The following AQP11 variants were observed in gnomAD, a reference collection of about 807,000 sequenced individuals.
AQP11 encodes aquaporin-11.
A neutral mutation model predicts 21.1 loss-of-function variants in AQP11; 20 were observed. That is an observed-to-expected ratio of 0.95 (90% CI 0.67 to 1.38). AQP11 has a LOEUF of 1.38. Among genes scored for constraint, AQP11 ranks in the 40% most tolerant of loss-of-function variants. The pLI is 0.00. For synonymous variants in AQP11, 167 were observed against 150.1 expected, an observed-to-expected ratio of 1.11 and a Z score of -0.82; for missense variants, 339 against 340.4, an observed-to-expected ratio of 1.00 and a Z score of 0.03.
intron 2 of AQP11, among the ~76,000 whole-genome samples, chr11:77,605,916 G>A (rs1204432091): frequency 2.6e-5 from 4 of 151,684 alleles, no homozygotes; most frequent in Non-Finnish European, 5.9e-5. Flanking sequence ...GATGATGGGT[G>A]CCTGTAATCC....
intron 2 of AQP11, among the ~76,000 whole-genome samples, chr11:77,604,970 G>C (rs538913452): frequency 6.6e-6 from 1 of 152,304 alleles, no homozygotes; most frequent in South Asian, 2.1e-4. Context: ...GAGGCAGGCA[G>C]ATCATGAGGT....
In AQP11 at chr11:77,590,417, G is replaced by A; in HGVS notation, c.425G>A (p.Gly142Asp). The A allele has an allele frequency of 6.2e-7, 1 of 1,614,042 alleles. No individual in the cohort carries two copies. Among genetic ancestry groups the A allele is most frequent in the Non-Finnish European group, 8.5e-7 (1 of 1,180,028 alleles). Residue 142 changes from glycine to aspartate, a missense_variant, in exon 1 of 3, where the codon GGT (glycine) becomes GAT (aspartate). Transcript: ENST00000313578. Reference sequence around the variant, plus strand: ...TGCACAAGCGCCTTGTGGAGCTTGGGTCTGACCCAGTATCACGTCAGCGAG... The same window carrying A: ...TGCACAAGCGCCTTGTGGAGCTTGGATCTGACCCAGTATCACGTCAGCGAG... ...RYCTSALWSL[G>D]LTQYHVSERS...
At position 77,590,115 on chromosome 11, in the gene AQP11, G is replaced by T; in HGVS notation, c.123G>T (p.Arg41Ser). ...TAGTCGCCCGGCAGCAGCTGCACAG[G>T]CCGGTGGCCCACGCCTTCGTCCTGG... ...ARVVARQQLHRPVAHAFVLEF... is the reference protein window; with the variant it reads ...ARVVARQQLHSPVAHAFVLEF... The change falls in exon 1 of 3, where the codon AGG (arginine) becomes AGT (serine). Residue 41 changes from arginine to serine, a missense_variant. Coordinates refer to ENST00000313578, the MANE Select transcript of AQP11 (RefSeq NM_173039.3). 1 of 1,607,910 alleles carries T rather than the reference G, an allele frequency of 6.2e-7. No individual in the cohort carries two copies.
chr11:77,604,125 T>G (rs942572440), intron 2 of AQP11, among the ~76,000 whole-genome samples: 9 of 152,210 alleles, frequency 5.9e-5, no homozygotes, highest in African/African-American at 2.2e-4. Context: ...GTTTTGTTTT[T>G]TTTCGAGACA....
At chr11:77,601,025 A>G (rs1009714352) in intron 1 of AQP11, among the ~76,000 whole-genome samples, 3 of 152,148 alleles carry the variant, frequency 2.0e-5, no homozygotes, top group Admixed American at 6.5e-5. Context: ...AAAAAAAAAA[A>G]AAAATCTTGT....
intron 1 of AQP11, among the ~76,000 whole-genome samples, chr11:77,601,274 A>G (rs935184211): frequency 5.3e-5 from 8 of 152,136 alleles, no homozygotes; most frequent in Admixed American, 2.0e-4. Context: ...AGTTTTTGTT[A>G]ACACAGAACC....
chr11:77,604,222 C>A (rs1958831653), intron 2 of AQP11, among the ~76,000 whole-genome samples: 1 of 152,072 alleles, frequency 6.6e-6, no homozygotes, highest in South Asian at 2.1e-4. Context: ...CACAAGCAAT[C>A]CTCCTGCCTT....
intron 1 of AQP11, among the ~76,000 whole-genome samples, chr11:77,594,133 G>A (rs1410786130): frequency 6.6e-6 from 1 of 152,140 alleles, no homozygotes; most frequent in Non-Finnish European, 1.5e-5. Flanking sequence ...TTTGGAAATG[G>A]TGCTGCTGGT....
intron 2 of AQP11, among the ~76,000 whole-genome samples, chr11:77,608,603 ACT>A (rs1958859740): frequency 1.3e-5 from 2 of 152,164 alleles, no homozygotes; most frequent in South Asian, 4.2e-4. Flanking sequence ...AAAGAGCAAA[ACT>A]CTGTCTCAAA....
At chr11:77,601,134 T>C (rs1167666447) in intron 1 of AQP11, among the ~76,000 whole-genome samples, 3 of 152,090 alleles carry the variant, frequency 2.0e-5, no homozygotes, top group Non-Finnish European at 4.4e-5. Flanking sequence ...GTTGTTACGA[T>C]GTGGGGAGAG....
intron 1 of AQP11, 96 bp from the exon 2 acceptor site, chr11:77,603,460 C>A: frequency 1.2e-6 from 1 of 858,200 alleles, no homozygotes; most frequent in Non-Finnish European, 1.8e-6. Context: ...CTAAGAATAC[C>A]TAAAATAAAA....
In AQP11 at chr11:77,593,363, C is replaced by T. The variant is rs186029681; in HGVS notation, c.619+2752C>T. Among the ~76,000 whole-genome samples the T allele has an allele frequency of 8.9e-3, 1,357 of 152,210 alleles. 18 individuals carry two copies. Among genetic ancestry groups the T allele is most frequent in the African/African-American group, 0.028 (1,174 of 41,544 alleles). ...CTTACAACAACCCATCGGCCGGGCGCGGTGGCTCACGCCTGTAATCCCAGC... is the reference window on the plus strand; with the variant it reads ...CTTACAACAACCCATCGGCCGGGCGTGGTGGCTCACGCCTGTAATCCCAGC... On this transcript the variant is annotated intron_variant, in intron 1 of 2. Coordinates refer to ENST00000313578, the MANE Select transcript of AQP11 (RefSeq NM_173039.3).
At chr11:77,605,690 G>A (rs1958841887) in intron 2 of AQP11, among the ~76,000 whole-genome samples, 1 of 152,118 alleles carries the variant, frequency 6.6e-6, no homozygotes, top group Non-Finnish European at 1.5e-5. Context: ...CAGGAAACCG[G>A]TCCCTGGTGC....
intron 1 of AQP11, among the ~76,000 whole-genome samples, chr11:77,594,578 T>C (rs570962629): frequency 6.6e-6 from 1 of 152,240 alleles, no homozygotes; most frequent in South Asian, 2.1e-4. Context: ...CAAGTTATTA[T>C]GATATGTCTT....
At position 77,605,778 on chromosome 11, in the gene AQP11, G is replaced by T. The variant is rs574050068; in HGVS notation, c.736+2106G>T. Among the ~76,000 whole-genome samples, 11 of 152,288 alleles carry T rather than the reference G, an allele frequency of 7.2e-5. No individual in the cohort carries two copies. The East Asian group carries it at 1.9e-3, about 27-fold the overall frequency. ...AGAACATTAAAAAGTAGCCAGGTAG[G>T]CTGGGTGCGGTGGCTCATGCCTGTA... On this transcript the variant is annotated intron_variant, in intron 2 of 2. Transcript: ENST00000313578.
intron 1 of AQP11, among the ~76,000 whole-genome samples, chr11:77,598,583 AG>A (rs1433029908): frequency 6.6e-6 from 1 of 152,208 alleles, no homozygotes; most frequent in South Asian, 2.1e-4. Flanking sequence ...CAAAGACTAA[AG>A]TGCCTTTTGA....
intron 2 of AQP11, among the ~76,000 whole-genome samples, chr11:77,605,228 T>C (rs1164061990): frequency 6.6e-6 from 1 of 152,166 alleles, no homozygotes; most frequent in Non-Finnish European, 1.5e-5. Context: ...GTTAAAAAGG[T>C]CACTAATGTA....
chr11:77,603,446 C>A, intron 1 of AQP11, 110 bp from the exon 2 acceptor site: 2 of 720,536 alleles, frequency 2.8e-6, no homozygotes, highest in Non-Finnish European at 4.5e-6. Flanking sequence ...AGGAAGATCA[C>A]AGACTAAGAA....
chr11:77,590,654 A>T (rs148893178), intron 1 of AQP11, 43 bp downstream of exon 1: 1 of 1,571,514 alleles, frequency 6.4e-7, no homozygotes, highest in East Asian at 2.2e-5. Flanking sequence ...CAGAGCCTCT[A>T]TGACATGAGG....
Sources: allele counts gnomAD v4.1 joint callset (sites outside exome capture counted in the v4.1 genomes callset), GRCh38; gene constraint gnomAD v4.1.1; transcripts MANE v1.5; gene names NCBI Gene and HGNC (gene_info 2026-07-23, HGNC 2026-07-21).